CCDC195: variants seen among roughly 807,000 people sequenced by gnomAD.
CCDC195 encodes coiled-coil domain containing 195.
chr2:224,714,807 G>A (rs1331262547), intron 1 of CCDC195, among the ~76,000 whole-genome samples: 6 of 152,066 alleles, frequency 3.9e-5, no homozygotes, highest in African/African-American at 1.2e-4. Context: ...AAAAAGACCT[G>A]GATTGGAATC....
exon 2 of CCDC195, chr2:224,709,990 C>T: frequency 2.5e-6 from 1 of 398,610 alleles, no homozygotes; most frequent in Non-Finnish European, 4.4e-6. Context: ...CACAAACATG[C>T]TCAGGAGAAG....
intron 2 of CCDC195, 56 bp downstream of exon 2, chr2:224,709,917 T>C: frequency 2.5e-6 from 1 of 398,492 alleles, no homozygotes; most frequent in East Asian, 3.6e-5. Context: ...GGGGAAAGTC[T>C]CAGTAACCAT....
intron 2 of CCDC195, among the ~76,000 whole-genome samples, chr2:224,706,889 GTA>G (rs140990871): frequency 1.2e-3 from 166 of 140,512 alleles, no homozygotes; most frequent in Admixed American, 9.4e-4. Context: ...GTGTCTGTGT[GTA>G]TATATATATA....
At position 224,709,181 on chromosome 2, in the gene CCDC195, C is replaced by T. The variant is rs1255760678; in HGVS notation, c.482+792G>A. ...TCGGCTCACTGCAACCTCTGCCTCC[C>T]AGGTTCAAGTGATTCTCCTGCCTCA... On this transcript the variant is annotated intron_variant, in intron 2 of 2. Coordinates refer to ENST00000638102, the Ensembl canonical transcript of CCDC195. Among the ~76,000 whole-genome samples the T allele has an allele frequency of 5.4e-5, 8 of 149,428 alleles. No homozygotes were observed. The East Asian group carries it at 1.6e-3, about 30-fold the overall frequency.
At chr2:224,715,856 C>T (rs1045241379) in intron 1 of CCDC195, among the ~76,000 whole-genome samples, 11 of 152,218 alleles carry the variant, frequency 7.2e-5, no homozygotes, top group Admixed American at 7.2e-4. Flanking sequence ...AAAAAGACCA[C>T]ATTGTTCCTA....
chr2:224,712,574 C>G (rs898807446), intron 1 of CCDC195, among the ~76,000 whole-genome samples: 3 of 152,162 alleles, frequency 2.0e-5, no homozygotes, highest in Admixed American at 1.3e-4. Flanking sequence ...GTAGGGTTCT[C>G]CATTCACAGA....
intron 2 of CCDC195, among the ~76,000 whole-genome samples, chr2:224,705,162 G>A (rs1344672280): frequency 1.3e-5 from 2 of 152,096 alleles, no homozygotes; most frequent in Non-Finnish European, 2.9e-5. Context: ...TGATGGAGGT[G>A]GAATTTTGGC....
chr2:224,711,502 T>A (rs1333625349), intron 1 of CCDC195, among the ~76,000 whole-genome samples: 2 of 151,898 alleles, frequency 1.3e-5, no homozygotes, highest in Non-Finnish European at 2.9e-5. Context: ...TACTTGGAGG[T>A]CTGGTGATTA....
chr2:224,716,194 A>G, exon 1 of CCDC195: 1 of 398,690 alleles, frequency 2.5e-6, no homozygotes. Context: ...GTTGCTGGAG[A>G]TTGTCCTGGC....
rs13025675 is a variant in CCDC195 at position 224,704,697 on chromosome 2, A to G, written c.483-810T>C. 6.0e-3 allele frequency among the ~76,000 whole-genome samples: 851 copies of G among 141,602 alleles called. 8 individuals are homozygous for G. Among genetic ancestry groups the G allele is most frequent in the Non-Finnish European group, 9.5e-3 (632 of 66,860 alleles). The allele number at this position is 141,602 out of a possible 152,430, so 92.9% of individuals were successfully genotyped here. A position where few individuals can be genotyped will look rare whatever the true frequency, so the allele number is the denominator to read the frequency against. ...GAATGCAGTGGCATGATCTCAGCTC[A>G]GTGCAACCTCCTCTTCCCAGGTTCA... is the stretch of plus-strand genomic sequence containing the variant. On this transcript the variant is annotated intron_variant, in intron 2 of 2. Transcript: ENST00000638102.
intron 1 of CCDC195, among the ~76,000 whole-genome samples, chr2:224,715,794 C>A (rs1689376050): frequency 6.6e-6 from 1 of 152,136 alleles, no homozygotes; most frequent in African/African-American, 2.4e-5. Context: ...ATTTGACATA[C>A]ACACATTCAA....
At position 224,705,950 on chromosome 2, in the gene CCDC195, A is replaced by G. The variant is rs967539986; in HGVS notation, c.483-2063T>C. On this transcript the variant is annotated intron_variant, in intron 2 of 2. Transcript: ENST00000638102. ...TAAATGTTGGTTAGGTTCCCATACT[A>G]TCATAGAAAATAATATAAATTGAAA... 2.6e-5 allele frequency among the ~76,000 whole-genome samples: 4 copies of G among 152,170 alleles called. No homozygotes were observed. The South Asian group carries it at 6.2e-4, about 24-fold the overall frequency.
At chr2:224,705,651 T>C (rs944591010) in intron 2 of CCDC195, among the ~76,000 whole-genome samples, 3 of 152,186 alleles carry the variant, frequency 2.0e-5, no homozygotes, top group Non-Finnish European at 4.4e-5. Context: ...GACATTTTAC[T>C]TTACTAGTTA....
chr2:224,709,638 C>A (rs1157912809), intron 2 of CCDC195, among the ~76,000 whole-genome samples: 4 of 152,148 alleles, frequency 2.6e-5, no homozygotes, highest in Non-Finnish European at 5.9e-5. Flanking sequence ...TACTTGTGTG[C>A]CTTTGTCACT....
intron 2 of CCDC195, among the ~76,000 whole-genome samples, chr2:224,708,365 GC>G (rs1327438109): frequency 6.6e-6 from 1 of 151,998 alleles, no homozygotes; most frequent in Non-Finnish European, 1.5e-5. Context: ...TCCACGAGTG[GC>G]CTTTAATGAT....
chr2:224,706,493 C>T (rs1697241756), intron 2 of CCDC195, among the ~76,000 whole-genome samples: 1 of 145,290 alleles, frequency 6.9e-6, no homozygotes, highest in Non-Finnish European at 1.5e-5. Context: ...GTATGAGCCA[C>T]TGTGCCTGGC....
chr2:224,711,643 C>A lies in CCDC195; in HGVS notation c.236-1424G>T, dbSNP rs138050275. On this transcript the variant is annotated intron_variant, in intron 1 of 2. Transcript: ENST00000638102. Reference sequence around the variant, plus strand: ...TCATTCTTTCTTACTGCAGCTTTGCCATGAACGAGCATGAAAGCGTAAAAA... The same window carrying A: ...TCATTCTTTCTTACTGCAGCTTTGCAATGAACGAGCATGAAAGCGTAAAAA... 5.3e-5 allele frequency among the ~76,000 whole-genome samples: 8 copies of A among 152,218 alleles called. 1 individual carries two copies. The highest frequency in any genetic ancestry group is 1.9e-4 in the African/African-American group (8 of 41,536).
chr2:224,710,585 C>T (rs1220654352), intron 1 of CCDC195, among the ~76,000 whole-genome samples: 1 of 152,174 alleles, frequency 6.6e-6, no homozygotes, highest in East Asian at 1.9e-4. Context: ...TTGCAGTGAG[C>T]CAAGATCATG....
chr2:224,704,605 CTTTTCTTTTTT>C (rs1204883303), intron 2 of CCDC195, among the ~76,000 whole-genome samples: 2 of 109,702 alleles, frequency 1.8e-5, no homozygotes, highest in Non-Finnish European at 3.8e-5. Flanking sequence ...TTTTTCTTTT[CTTTTCTTTTTT>C]TTTTTTTTTT....
Sources: allele counts gnomAD v4.1 joint callset (sites outside exome capture counted in the v4.1 genomes callset), GRCh38; gene constraint gnomAD v4.1.1; transcripts MANE v1.5; gene names NCBI Gene and HGNC (gene_info 2026-07-23, HGNC 2026-07-21).